Variants in RP1 observed in about 807,000 individuals in gnomAD.
RP1 encodes RP1 axonemal microtubule associated, also known as oxygen-regulated protein 1.
Under a neutral mutation model 14.8 loss-of-function variants are expected in RP1, and 16 were observed. That is an observed-to-expected ratio of 1.08 (90% CI 0.73 to 1.65). The LOEUF (loss-of-function observed/expected upper bound fraction) is 1.65, where lower values mean the gene tolerates loss of function less well. Ranked by LOEUF, RP1 falls within the 40% of genes most tolerant of loss-of-function variation. The pLI, the probability that RP1 is intolerant of heterozygous loss-of-function variation, is 0.00. For missense variants in RP1, 2,631 were observed against 2,535.0 expected (o/e 1.04, Z -0.81); for synonymous variants, 876 against 883.6 (o/e 0.99, Z 0.15).
rs748121791 is a variant in RP1 at position 54,625,258 on chromosome 8, A to G, written c.1376A>G (p.Gln459Arg). The G allele has an allele frequency of 1.9e-6, 3 of 1,614,084 alleles. No homozygotes were observed. In the East Asian group the frequency reaches 6.7e-5, roughly 36 times the overall value. The change falls in exon 4 of 4, where the codon CAA becomes CGA. Residue 459 changes from glutamine to arginine, a missense_variant. Transcript: ENST00000220676. Reference sequence around the variant, plus strand: ...ACACCTGGACTAAGAAGAGTGAGACAAAAGAAATCTGTGATTGGCAGTGTG... The same window carrying G: ...ACACCTGGACTAAGAAGAGTGAGACGAAAGAAATCTGTGATTGGCAGTGTG... ...PPTPGLRRVR[Q>R]KKSVIGSVTL...
intron 7 of RP1, among the ~76,000 whole-genome samples, chr8:54,670,391 C>A (rs976195366): frequency 6.6e-6 from 1 of 150,418 alleles, no homozygotes; most frequent in Admixed American, 6.7e-5. Flanking sequence ...TTTCTCCCTT[C>A]AATTTTGTAA....
chr8:54,607,572 T>G (rs1321387687), intron 1 of RP1, among the ~76,000 whole-genome samples: 2 of 152,158 alleles, frequency 1.3e-5, no homozygotes, highest in East Asian at 1.9e-4. Context: ...CTTCCAAGCT[T>G]TCAGACAGGG....
intron 1 of RP1, among the ~76,000 whole-genome samples, chr8:54,580,054 C>T (rs770070193): frequency 3.3e-5 from 5 of 152,078 alleles, no homozygotes; most frequent in African/African-American, 4.8e-5. Flanking sequence ...GCAGAAAAAG[C>T]AAGGCTTTTT....
At chr8:54,863,911 A>G (rs1484369819) in intron 27 of RP1, among the ~76,000 whole-genome samples, 1 of 152,254 alleles carries the variant, frequency 6.6e-6, no homozygotes, top group Non-Finnish European at 1.5e-5. Context: ...GTCATGGTGC[A>G]TTTCTTATCA....
chr8:54,746,876 G>T (rs1809236812), intron 19 of RP1, among the ~76,000 whole-genome samples: 1 of 152,126 alleles, frequency 6.6e-6, no homozygotes, highest in Non-Finnish European at 1.5e-5. Context: ...AACATAATCA[G>T]ACCTTTTTGA....
intron 12 of RP1, among the ~76,000 whole-genome samples, chr8:54,683,074 G>T (rs1323931500): frequency 2.6e-5 from 4 of 152,116 alleles, no homozygotes; most frequent in Non-Finnish European, 5.9e-5. Context: ...CCTATTGCTT[G>T]TTTTTGTCAG....
intron 6 of RP1, among the ~76,000 whole-genome samples, chr8:54,658,152 T>TA (rs1309867199): frequency 6.6e-6 from 1 of 152,240 alleles, no homozygotes; most frequent in Non-Finnish European, 1.5e-5. Context: ...CTACTTTAGA[T>TA]ACATCATATG....
rs756371261 is a variant in RP1, at chr8:54,625,613, GGAAGA to G, written c.1732_1736del (p.Glu578CysfsTer3). The G allele has an allele frequency of 6.2e-7, 1 of 1,614,108 alleles. No homozygotes were observed. Among genetic ancestry groups the G allele is most frequent in the Non-Finnish European group, 8.5e-7 (1 of 1,180,002 alleles). ...CTATATCAAATAACTCAATTGTGGA[GGAAGA>G]TGTAGTTGATTGTGTGGTATTGGAC... On this transcript the variant is annotated frameshift_variant, in exon 4 of 4. Transcript: ENST00000220676. LOFTEE classifies it low-confidence loss of function (END_TRUNC).
At chr8:54,669,480 G>A (rs566839650) in intron 7 of RP1, among the ~76,000 whole-genome samples, 2 of 152,166 alleles carry the variant, frequency 1.3e-5, no homozygotes, top group African/African-American at 4.8e-5. Context: ...GATTCCTCAA[G>A]GATCTAGAAC....
intron 1 of RP1, among the ~76,000 whole-genome samples, chr8:54,611,023 G>A (rs1805578238): frequency 6.6e-6 from 1 of 152,090 alleles, no homozygotes; most frequent in Non-Finnish European, 1.5e-5. Context: ...GTCTTGGCTG[G>A]CAGTTCTTTT....
intron 15 of RP1, among the ~76,000 whole-genome samples, chr8:54,718,950 G>A (rs570486984): frequency 6.6e-6 from 1 of 152,284 alleles, no homozygotes; most frequent in South Asian, 2.1e-4. Flanking sequence ...AAAACCCACA[G>A]AATTGTATAG....
At chr8:54,614,688 C>T, upstream of RP1, among the ~76,000 whole-genome samples, 1 of 152,266 alleles carries the variant, frequency 6.6e-6, no homozygotes, top group Middle Eastern at 3.4e-3. Context: ...AAATGGAGAG[C>T]CCATTTTGTG....
At chr8:54,830,100 A>G (rs1243643157) in intron 24 of RP1, among the ~76,000 whole-genome samples, 1 of 152,138 alleles carries the variant, frequency 6.6e-6, no homozygotes, top group Non-Finnish European at 1.5e-5. Flanking sequence ...TTTTTTGTAA[A>G]TATCTATCAA....
Position 54,590,310 on chromosome 8 carries a change from G to A in RP1, c.-12-30645G>A, listed in dbSNP as rs570200054. ...CCCTTCACAGAAACATTCCAGCAAA[G>A]AGCCGCCCACCTCTCTCATCCCTTA... On this transcript the variant is annotated intron_variant, in intron 1 of 22. Coordinates refer to the RP1 transcript ENST00000636932. Among the ~76,000 whole-genome samples the A allele has an allele frequency of 2.1e-3, 313 of 152,154 alleles. 2 individuals carry two copies. Among genetic ancestry groups the A allele is most frequent in the Non-Finnish European group, 3.2e-3 (218 of 67,994 alleles).
chr8:54,597,299 T>C (rs978121076), intron 1 of RP1, among the ~76,000 whole-genome samples: 2 of 152,306 alleles, frequency 1.3e-5, no homozygotes, highest in Admixed American at 6.5e-5. Context: ...ATACTTCCTA[T>C]AGTTGTTATG....
intron 13 of RP1, chr8:54,699,644 T>G (rs1807965319): frequency 1.5e-6 from 1 of 665,204 alleles, no homozygotes; most frequent in African/African-American, 1.9e-5. Context: ...AAGATACATT[T>G]ATAAGATTAC....
At chr8:54,828,765 C>T (rs922255093) in intron 24 of RP1, among the ~76,000 whole-genome samples, 1 of 151,890 alleles carries the variant, frequency 6.6e-6, no homozygotes, top group Non-Finnish European at 1.5e-5. Flanking sequence ...ACCACAAACA[C>T]GTGAGTAATG....
intron 1 of RP1, among the ~76,000 whole-genome samples, chr8:54,567,330 T>G (rs900735752): frequency 1.3e-5 from 2 of 152,208 alleles, no homozygotes; most frequent in Non-Finnish European, 2.9e-5. Flanking sequence ...CATCAGTATC[T>G]AGGCATCTTT....
intron 25 of RP1, among the ~76,000 whole-genome samples, chr8:54,848,706 A>G (rs780643654): frequency 3.9e-5 from 6 of 152,224 alleles, no homozygotes; most frequent in Non-Finnish European, 8.8e-5. Flanking sequence ...AAAAAAGTTT[A>G]GTGATGAAGA....
Sources: gnomAD v4.1 joint callset for allele counts (sites outside exome capture counted in the v4.1 genomes callset) on GRCh38, gnomAD v4.1.1 for gene constraint, MANE v1.5 for transcripts, NCBI Gene and HGNC (gene_info 2026-07-23, HGNC 2026-07-21) for gene names.